TSPAN12: variants seen among roughly 807,000 people sequenced by gnomAD.
TSPAN12 encodes the protein tetraspanin-12.
A neutral mutation model predicts 39.2 loss-of-function variants in TSPAN12; 19 were observed. The ratio of observed to expected loss-of-function variants is 0.49; its 90% CI spans 0.34 to 0.71. The LOEUF (loss-of-function observed/expected upper bound fraction) is 0.71, where lower values mean the gene tolerates loss of function less well. Among genes scored for constraint, TSPAN12 ranks in the 30% least tolerant of loss-of-function variants. The pLI is 0.01. For synonymous variants in TSPAN12, 119 were observed against 124.8 expected (o/e 0.95, Z 0.31); for missense variants, 314 against 359.9 (o/e 0.87, Z 1.03).
chr7:120,800,902 G>C (rs1793757186), intron 7 of TSPAN12, among the ~76,000 whole-genome samples: 1 of 151,720 alleles, frequency 6.6e-6, no homozygotes, highest in South Asian at 2.1e-4. Flanking sequence ...TGATTCTCCT[G>C]CCTCAGCCTC....
intron 4 of TSPAN12, among the ~76,000 whole-genome samples, chr7:120,818,673 G>A (rs1316341058): frequency 6.6e-6 from 1 of 151,966 alleles, no homozygotes; most frequent in Non-Finnish European, 1.5e-5. Context: ...TAATCTCTCA[G>A]ACAATAACAC....
chr7:120,790,825 T>C (rs776650650), intron 7 of TSPAN12, among the ~76,000 whole-genome samples: 2 of 152,198 alleles, frequency 1.3e-5, no homozygotes, highest in African/African-American at 2.4e-5. Context: ...TTAATTTGCA[T>C]GGCAACTTCA....
intron 4 of TSPAN12, among the ~76,000 whole-genome samples, chr7:120,817,030 A>C (rs1328997629): frequency 6.6e-6 from 1 of 152,148 alleles, no homozygotes; most frequent in Non-Finnish European, 1.5e-5. Context: ...TGGGAAGATA[A>C]AAAATCTAAT....
chr7:120,833,118 T>A (rs1271953876), intron 4 of TSPAN12, among the ~76,000 whole-genome samples: 1 of 152,130 alleles, frequency 6.6e-6, no homozygotes, highest in South Asian at 2.1e-4. Context: ...GCTGTGAGTA[T>A]ATTTTGAGAA....
intron 4 of TSPAN12, among the ~76,000 whole-genome samples, chr7:120,826,327 T>G (rs1358138296): frequency 1.3e-5 from 2 of 152,166 alleles, no homozygotes; most frequent in Admixed American, 1.3e-4. Context: ...ATGATGTACA[T>G]CAAGGCATTA....
At chr7:120,803,103 T>C (rs1194528910) in intron 7 of TSPAN12, among the ~76,000 whole-genome samples, 2 of 152,156 alleles carry the variant, frequency 1.3e-5, no homozygotes, top group African/African-American at 4.8e-5. Flanking sequence ...AATGACATGG[T>C]TATCTGACCT....
intron 4 of TSPAN12, among the ~76,000 whole-genome samples, chr7:120,823,068 A>T (rs537999544): frequency 1.3e-5 from 2 of 152,280 alleles, no homozygotes; most frequent in South Asian, 2.1e-4. Flanking sequence ...GGCTTTAAAA[A>T]TTTTCCTATG....
intron 6 of TSPAN12, among the ~76,000 whole-genome samples, chr7:120,808,130 T>C (rs1045849714): frequency 1.6e-4 from 25 of 152,252 alleles, no homozygotes; most frequent in African/African-American, 5.3e-4. Context: ...CCTTTCTGTG[T>C]TGATGACAGA....
intron 2 of TSPAN12, among the ~76,000 whole-genome samples, chr7:120,847,712 T>A (rs2116493116): frequency 6.6e-6 from 1 of 152,328 alleles, no homozygotes; most frequent in Middle Eastern, 3.4e-3. Flanking sequence ...CAGGCCTTCA[T>A]CCTCTTTTGC....
At chr7:120,802,595 T>C (rs1793795350) in intron 7 of TSPAN12, among the ~76,000 whole-genome samples, 1 of 152,180 alleles carries the variant, frequency 6.6e-6, no homozygotes, top group East Asian at 1.9e-4. Context: ...CACTCTCTAC[T>C]ATATCCCTAG....
intron 4 of TSPAN12, among the ~76,000 whole-genome samples, chr7:120,834,594 T>A (rs1382079610): frequency 6.6e-6 from 1 of 152,128 alleles, no homozygotes; most frequent in Non-Finnish European, 1.5e-5. Context: ...TTTTTATATA[T>A]ATATAATCAT....
intron 2 of TSPAN12, among the ~76,000 whole-genome samples, chr7:120,842,358 CAATAA>C (rs1331437421): frequency 2.0e-5 from 3 of 148,514 alleles, no homozygotes; most frequent in Non-Finnish European, 4.5e-5. Context: ...CAGAGACTGA[CAATAA>C]ATAAGAGAAA....
chr7:120,856,791 TC>T lies in TSPAN12; in HGVS notation c.-29del. 1.9e-6 allele frequency: 3 copies of T among 1,613,574 alleles called. No individual in the cohort carries two copies. The highest frequency in any genetic ancestry group is 1.7e-6 in the Non-Finnish European group (2 of 1,179,568). On this transcript the variant is annotated 5_prime_UTR_variant, in exon 2 of 8. Coordinates refer to ENST00000222747, the MANE Select transcript of TSPAN12 (RefSeq NM_012338.4). ...TGAGCCCCGTAAGGGAGAAGCCCCA[TC>T]CTTTCACCACATCCTACTCCCAAGG... is the stretch of plus-strand genomic sequence containing the variant.
chr7:120,857,507 G>C (rs1794896961), intron 1 of TSPAN12, among the ~76,000 whole-genome samples: 1 of 150,648 alleles, frequency 6.6e-6, no homozygotes, highest in South Asian at 2.1e-4. Flanking sequence ...ACAGTGGGCG[G>C]GGGGCGGGGG....
intron 1 of TSPAN12, among the ~76,000 whole-genome samples, 154 bp downstream of exon 1, chr7:120,857,666 G>A (rs1440265927): frequency 2.0e-5 from 3 of 152,038 alleles, no homozygotes; most frequent in African/African-American, 7.2e-5. Context: ...CAGCCATCGC[G>A]TCCGCGCGCC....
intron 5 of TSPAN12, chr7:120,814,355 C>T: frequency 2.3e-6 from 1 of 436,700 alleles, no homozygotes; most frequent in Admixed American, 2.4e-5. Flanking sequence ...CCAGTCCTTG[C>T]CCGTTCCTCC....
At chr7:120,838,622 G>A (rs1794521798) in intron 4 of TSPAN12, among the ~76,000 whole-genome samples, 155 bp downstream of exon 4, 2 of 152,206 alleles carry the variant, frequency 1.3e-5, no homozygotes, top group African/African-American at 2.4e-5. Flanking sequence ...CAGCAAATAT[G>A]TGTATTCAAA....
chr7:120,841,764 C>T (rs6466762), intron 2 of TSPAN12, among the ~76,000 whole-genome samples: 59,630 of 151,842 alleles, frequency 0.39, 14,056 homozygotes, highest in African/African-American at 0.66. Context: ...TAATAATTAA[C>T]CATGACCGGT....
At chr7:120,817,034 A>T (rs944677849) in intron 4 of TSPAN12, among the ~76,000 whole-genome samples, 1 of 152,152 alleles carries the variant, frequency 6.6e-6, no homozygotes, top group East Asian at 1.9e-4. Context: ...AAGATAAAAA[A>T]TCTAATTTTA....
Sources: gnomAD v4.1 joint callset for allele counts (sites outside exome capture counted in the v4.1 genomes callset) on GRCh38, gnomAD v4.1.1 for gene constraint, MANE v1.5 for transcripts, NCBI Gene and HGNC (gene_info 2026-07-23, HGNC 2026-07-21) for gene names.